ZDHHC17: variants seen among roughly 807,000 people sequenced by gnomAD.
The protein encoded by ZDHHC17 is zDHHC palmitoyltransferase 17.
ZDHHC17 carries 40 observed loss-of-function variants against 90.3 expected under a neutral mutation model. That is an observed-to-expected ratio of 0.44 (90% CI 0.34 to 0.58). ZDHHC17 has a LOEUF of 0.58. Among genes scored for constraint, ZDHHC17 ranks in the 20% least tolerant of loss-of-function variants. The probability of loss-of-function intolerance (pLI) is 0.01; values close to 1 mark genes in which losing one functional copy is unlikely to be tolerated. For synonymous variants in ZDHHC17, 235 were observed against 252.4 expected (o/e 0.93, Z 0.65); for missense variants, 614 against 780.8 (o/e 0.79, Z 2.55).
chr12:76,806,608 C>G (rs1412782998), intron 3 of ZDHHC17, among the ~76,000 whole-genome samples: 1 of 152,222 alleles, frequency 6.6e-6, no homozygotes, highest in Non-Finnish European at 1.5e-5. Flanking sequence ...CTCCCGCCCT[C>G]AGGTGATCCA....
At chr12:76,804,180 T>TA (rs1225967295) in intron 2 of ZDHHC17, among the ~76,000 whole-genome samples, 1 of 152,232 alleles carries the variant, frequency 6.6e-6, no homozygotes, top group East Asian at 1.9e-4. Context: ...CTTCAGTCCT[T>TA]ACATCTCTCA....
chr12:76,792,237 C>CA (rs1335210684), intron 1 of ZDHHC17, among the ~76,000 whole-genome samples: 1 of 152,012 alleles, frequency 6.6e-6, no homozygotes, highest in Non-Finnish European at 1.5e-5. Flanking sequence ...TAATGAATGA[C>CA]AAAAAACAGT....
intron 10 of ZDHHC17, among the ~76,000 whole-genome samples, chr12:76,835,950 T>C (rs2137796359): frequency 6.6e-6 from 1 of 151,910 alleles, no homozygotes; most frequent in Non-Finnish European, 1.5e-5. Context: ...GTGAATTGTG[T>C]ATGTTTTTTT....
intron 10 of ZDHHC17, chr12:76,841,091 C>T (rs987187386): frequency 6.6e-6 from 1 of 152,200 alleles, no homozygotes; most frequent in African/African-American, 2.4e-5. Context: ...AGATAAGTCA[C>T]TTTTGAATAT....
chr12:76,775,025 G>A (rs752426901), intron 1 of ZDHHC17, among the ~76,000 whole-genome samples: 5 of 151,970 alleles, frequency 3.3e-5, no homozygotes, highest in Admixed American at 3.3e-4. Flanking sequence ...GGTGGGTTTC[G>A]CCATGTTGGC....
chr12:76,842,753 C>A (rs1248343233), intron 11 of ZDHHC17, among the ~76,000 whole-genome samples, 166 bp from the exon 12 acceptor site: 1 of 152,066 alleles, frequency 6.6e-6, no homozygotes, highest in African/African-American at 2.4e-5. Context: ...ACCCTGTATT[C>A]TTCTTGCAAT....
At chr12:76,805,042 G>T (rs990845725) in intron 2 of ZDHHC17, among the ~76,000 whole-genome samples, 1 of 151,990 alleles carries the variant, frequency 6.6e-6, no homozygotes, top group Non-Finnish European at 1.5e-5. Context: ...GGGATAAGTG[G>T]TAATAAAGCA....
At chr12:76,770,971 C>T (rs1952485059) in intron 1 of ZDHHC17, among the ~76,000 whole-genome samples, 3 of 150,704 alleles carry the variant, frequency 2.0e-5, no homozygotes, top group Non-Finnish European at 4.4e-5. Flanking sequence ...TAACAGAACC[C>T]ACAACAATTA....
At chr12:76,827,337 A>G (rs11115621) in intron 9 of ZDHHC17, among the ~76,000 whole-genome samples, 1,683 of 152,234 alleles carry the variant, frequency 0.011, 11 homozygotes, top group Non-Finnish European at 0.017. Flanking sequence ...TTGAACTCTA[A>G]CATACATATT....
At chr12:76,799,307 A>G in intron 2 of ZDHHC17, among the ~76,000 whole-genome samples, 1 of 152,318 alleles carries the variant, frequency 6.6e-6, no homozygotes, top group South Asian at 2.1e-4. Flanking sequence ...AACTAAGTAA[A>G]ACAATATTTT....
intron 1 of ZDHHC17, among the ~76,000 whole-genome samples, chr12:76,775,012 A>G (rs1952542976): frequency 6.6e-6 from 1 of 152,098 alleles, no homozygotes. Flanking sequence ...TATTTTTAGT[A>G]GAGGTGGGTT....
chr12:76,830,638 A>G (rs535653420), intron 10 of ZDHHC17, among the ~76,000 whole-genome samples: 27 of 152,298 alleles, frequency 1.8e-4, no homozygotes, highest in Non-Finnish European at 3.2e-4. Flanking sequence ...TTAAGCTTAC[A>G]ATAAGCATTG....
Position 76,764,167 on chromosome 12 carries a change from G to C in ZDHHC17, c.-70G>C, listed in dbSNP as rs930829850. On this transcript the variant is annotated 5_prime_UTR_variant, in exon 1 of 17. Coordinates refer to ENST00000426126, the MANE Select transcript of ZDHHC17 (RefSeq NM_015336.4). The stretch of plus-strand genomic sequence containing the variant: ...GGAGGCCCGCGTCGCCTCCGGCGGG[G>C]CTCGCGCTCGCCCCGCGCTCGCCCT... 1 of 1,258,988 alleles carries C rather than the reference G, an allele frequency of 7.9e-7. No individual in the cohort carries two copies. The highest frequency in any genetic ancestry group is 2.6e-5 in the Admixed American group (1 of 37,868). The allele number at this position is 1,258,988 out of a possible 1,614,324, so 78.0% of individuals were successfully genotyped here.
At chr12:76,846,882 AC>A (rs1323541980) in intron 14 of ZDHHC17, among the ~76,000 whole-genome samples, 3 of 152,220 alleles carry the variant, frequency 2.0e-5, no homozygotes, top group African/African-American at 7.2e-5. Flanking sequence ...TTAGCAGTTA[AC>A]CACCTTTTAA....
chr12:76,772,709 A>ATTT (rs869240058), intron 1 of ZDHHC17, among the ~76,000 whole-genome samples: 1 of 105,500 alleles, frequency 9.5e-6, no homozygotes, highest in East Asian at 2.9e-4. Context: ...TAACTTTTGT[A>ATTT]TTTTTTTTTT....
At chr12:76,809,184 T>C in intron 4 of ZDHHC17, 64 bp downstream of exon 4, 3 of 1,153,626 alleles carry the variant, frequency 2.6e-6, no homozygotes, top group Non-Finnish European at 3.5e-6. Context: ...TAAACAACTT[T>C]AAAAAAATGA....
At chr12:76,778,286 C>G (rs1185047137) in intron 1 of ZDHHC17, among the ~76,000 whole-genome samples, 1 of 152,156 alleles carries the variant, frequency 6.6e-6, no homozygotes, top group African/African-American at 2.4e-5. Flanking sequence ...CAGCTCACTG[C>G]AACCTCTGCC....
chr12:76,764,127 G>T lies in ZDHHC17; in HGVS notation c.-110G>T. On this transcript the variant is annotated 5_prime_UTR_variant, in exon 1 of 17. The change creates a new upstream start codon in the 5' untranslated region. Coordinates refer to ENST00000426126, the MANE Select transcript of ZDHHC17 (RefSeq NM_015336.4). ...GGACAGAGGGGGCGTCACGGGGGCA[G>T]GAGAAGAAGGAGGAGGAGGCCCGCG... is the stretch of plus-strand genomic sequence containing the variant. 1 of 820,354 alleles carries T rather than the reference G, an allele frequency of 1.2e-6. No homozygotes were observed. The highest frequency in any genetic ancestry group is 1.8e-5 in the South Asian group (1 of 55,746). The allele number at this position is 820,354 out of a possible 1,614,324, so 50.8% of individuals were successfully genotyped here. A position where few individuals can be genotyped will look rare whatever the true frequency, so the allele number is the denominator to read the frequency against.
intron 15 of ZDHHC17, among the ~76,000 whole-genome samples, chr12:76,848,832 A>G (rs573169415): frequency 3.9e-5 from 6 of 152,154 alleles, no homozygotes; most frequent in Non-Finnish European, 8.8e-5. Flanking sequence ...GTCTTTAAAT[A>G]TTTTCCACAT....
Sources: allele counts gnomAD v4.1 joint callset (sites outside exome capture counted in the v4.1 genomes callset), GRCh38; gene constraint gnomAD v4.1.1; transcripts MANE v1.5; gene names NCBI Gene and HGNC (gene_info 2026-07-23, HGNC 2026-07-21).